The following TDRP variants were observed in gnomAD, a reference collection of about 807,000 sequenced individuals.
The protein encoded by TDRP is testis development related protein.
Under a neutral mutation model 10.5 loss-of-function variants are expected in TDRP, and 12 were observed. That is an observed-to-expected ratio of 1.15 (90% CI 0.73 to 1.86). TDRP has a LOEUF of 1.86. Among genes scored for constraint, TDRP ranks in the 40% most tolerant of loss-of-function variants. The pLI, the probability that TDRP is intolerant of heterozygous loss-of-function variation, is 0.00. For missense variants in TDRP, 353 were observed against 229.2 expected (o/e 1.54, Z -3.49); for synonymous variants, 139 against 95.4 (o/e 1.46, Z -2.67).
At chr8:517,130 G>C (rs1172764970) in intron 1 of TDRP, among the ~76,000 whole-genome samples, 1 of 152,142 alleles carries the variant, frequency 6.6e-6, no homozygotes, top group African/African-American at 2.4e-5. Flanking sequence ...AAACTGAAGA[G>C]CATTAACATT....
chr8:504,776 C>G (rs901904674), intron 1 of TDRP, among the ~76,000 whole-genome samples: 3 of 152,196 alleles, frequency 2.0e-5, no homozygotes, highest in East Asian at 1.9e-4. Flanking sequence ...ACACCAGAAA[C>G]TGGCATTCAA....
In TDRP at chr8:491,465, G is replaced by A. The variant is rs568607672; in HGVS notation, c.*934C>T. The A allele has an allele frequency of 8.7e-5, 63 of 725,628 alleles. No homozygotes were observed. In the African/African-American group the frequency reaches 1.1e-3, roughly 13 times the overall value. The allele number at this position is 725,628 out of a possible 1,614,324, so 44.9% of individuals were successfully genotyped here. On this transcript the variant is annotated 3_prime_UTR_variant, in exon 3 of 3. Coordinates refer to ENST00000324079, the MANE Select transcript of TDRP (RefSeq NM_001384899.1). ...GAGAGATGCTCTCAAACCGGTCGTC[G>A]ATTATTCTTGTGGAAAAAACACAGC... is the stretch of plus-strand genomic sequence containing the variant.
intron 1 of TDRP, among the ~76,000 whole-genome samples, chr8:528,489 G>A (rs1802095708): frequency 7.3e-6 from 1 of 136,524 alleles, no homozygotes; most frequent in African/African-American, 2.6e-5. Context: ...GTTCACAACA[G>A]CCAAGATTTG....
intron 1 of TDRP, among the ~76,000 whole-genome samples, chr8:530,118 T>C (rs1437079494): frequency 8.5e-5 from 13 of 152,186 alleles, no homozygotes; most frequent in Non-Finnish European, 1.9e-4. Context: ...TTCTTCTGCA[T>C]GACTGGGTCA....
chr8:491,932 A>T lies in TDRP; in HGVS notation c.*467T>A. 8.8e-7 allele frequency: 1 copy of T among 1,140,266 alleles called. No individual in the cohort carries two copies. Among genetic ancestry groups the T allele is most frequent in the Non-Finnish European group, 1.1e-6 (1 of 930,772 alleles). 70.6% of individuals were successfully genotyped at this position (1,140,266 alleles called of 1,614,324 possible). ...TAATTTGTCAAGTTAAACAAAATTT[A>T]ACATAACTTTGGAAGATTCATCTTA... is the stretch of plus-strand genomic sequence containing the variant. On this transcript the variant is annotated 3_prime_UTR_variant, in exon 3 of 3. Coordinates refer to ENST00000324079, the MANE Select transcript of TDRP (RefSeq NM_001384899.1).
chr8:540,806 TAA>T (rs60390652), intron 1 of TDRP, among the ~76,000 whole-genome samples: 58,984 of 124,512 alleles, frequency 0.47, 13,943 homozygotes, highest in South Asian at 0.56. Flanking sequence ...CTTTTTCACG[TAA>T]AAAAAAAAAA....
chr8:528,856 T>G (rs535629225), intron 1 of TDRP, among the ~76,000 whole-genome samples: 5 of 152,218 alleles, frequency 3.3e-5, no homozygotes, highest in African/African-American at 1.2e-4. Context: ...TATGTGTGTG[T>G]GTGTGTAAAG....
At chr8:500,303 G>A (rs1801251507) in intron 1 of TDRP, among the ~76,000 whole-genome samples, 1 of 152,100 alleles carries the variant, frequency 6.6e-6, no homozygotes. Flanking sequence ...AGGTTAAACG[G>A]CAGTGTCTTA....
intron 1 of TDRP, chr8:494,893 T>A: frequency 4.2e-6 from 1 of 236,136 alleles, no homozygotes; most frequent in Non-Finnish European, 8.3e-6. Flanking sequence ...ATGCTTAAAA[T>A]CAGACGAAGC....
chr8:539,084 T>G (rs1802423627), intron 1 of TDRP, among the ~76,000 whole-genome samples: 1 of 152,226 alleles, frequency 6.6e-6, no homozygotes, highest in Non-Finnish European at 1.5e-5. Context: ...TTTTTTCAAT[T>G]TGTATTTAAA....
chr8:536,390 A>C (rs917711120), intron 1 of TDRP, among the ~76,000 whole-genome samples: 1 of 152,256 alleles, frequency 6.6e-6, no homozygotes, highest in African/African-American at 2.4e-5. Context: ...AGGGCTAGTC[A>C]AACTGAGTTT....
chr8:500,718 A>C lies in TDRP; in HGVS notation c.109-6121T>G, dbSNP rs896837418. On this transcript the variant is annotated intron_variant, in intron 1 of 2. Transcript: ENST00000324079. Reference sequence around the variant, plus strand: ...TTTCTCCTTTTGCCACAGGAAGGGCAGGTGTATCGGACTCCGGCCCTGGGA... The same window carrying C: ...TTTCTCCTTTTGCCACAGGAAGGGCCGGTGTATCGGACTCCGGCCCTGGGA... Among the ~76,000 whole-genome samples the C allele has an allele frequency of 2.6e-5, 4 of 152,376 alleles. No homozygotes were observed. The East Asian group carries it at 5.8e-4, about 22-fold the overall frequency.
chr8:540,918 C>T (rs1180285652), intron 1 of TDRP, among the ~76,000 whole-genome samples: 2 of 151,812 alleles, frequency 1.3e-5, no homozygotes, highest in African/African-American at 4.8e-5. Context: ...GTGCTCTCAA[C>T]CTGCACGTTT....
intron 1 of TDRP, among the ~76,000 whole-genome samples, chr8:536,135 T>C (rs1312087184): frequency 2.0e-5 from 3 of 152,342 alleles, no homozygotes; most frequent in Non-Finnish European, 4.4e-5. Context: ...CAGAGTAATA[T>C]GCTAAGGCCT....
chr8:502,792 A>G (rs976268953), intron 1 of TDRP, among the ~76,000 whole-genome samples: 6 of 151,698 alleles, frequency 4.0e-5, no homozygotes, highest in Non-Finnish European at 7.4e-5. Flanking sequence ...AGAGCCATAC[A>G]CTGGAACCAA....
At chr8:511,947 G>A (rs1392170053) in intron 1 of TDRP, among the ~76,000 whole-genome samples, 2 of 152,054 alleles carry the variant, frequency 1.3e-5, no homozygotes, top group African/African-American at 2.4e-5. Context: ...AGCTGTAAAT[G>A]TCTATAAAGA....
At position 492,750 on chromosome 8, in the gene TDRP, G is replaced by A. The variant is rs1485166371; in HGVS notation, c.213-6C>T. The A allele has an allele frequency of 5.7e-6, 9 of 1,587,530 alleles. No homozygotes were observed. Among genetic ancestry groups the A allele is most frequent in the Non-Finnish European group, 7.7e-6 (9 of 1,165,134 alleles). The stretch of plus-strand genomic sequence containing the variant: ...CTTTTAATCGTAAGTTAGTTCTATA[G>A]GAGATGAAAGAGTTAGGTGTTGGTG... On this transcript the variant is annotated splice_region_variant and splice_polypyrimidine_tract_variant and intron_variant, in intron 2 of 2. Transcript: ENST00000324079.
At chr8:537,260 G>C (rs1006134747) in intron 1 of TDRP, among the ~76,000 whole-genome samples, 6 of 152,198 alleles carry the variant, frequency 3.9e-5, no homozygotes, top group African/African-American at 9.7e-5. Context: ...TGGTCCTCCA[G>C]AGAGGCTTGT....
intron 1 of TDRP, among the ~76,000 whole-genome samples, chr8:520,630 G>C (rs1471958593): frequency 6.6e-6 from 1 of 152,184 alleles, no homozygotes; most frequent in Non-Finnish European, 1.5e-5. Context: ...TTTGATTGTA[G>C]CCATACTAAT....
Sources: allele counts gnomAD v4.1 joint callset (sites outside exome capture counted in the v4.1 genomes callset), GRCh38; gene constraint gnomAD v4.1.1; transcripts MANE v1.5; gene names NCBI Gene and HGNC (gene_info 2026-07-23, HGNC 2026-07-21).